Variants in ZNF730 observed in about 807,000 individuals in gnomAD.
The protein encoded by ZNF730 is zinc finger protein 730.
A neutral mutation model predicts 12.6 loss-of-function variants in ZNF730; 12 were observed. The ratio of observed to expected loss-of-function variants is 0.95; its 90% confidence interval spans 0.61 to 1.54. The LOEUF (loss-of-function observed/expected upper bound fraction) is 1.54, where lower values mean the gene tolerates loss of function less well. Among genes scored for constraint, ZNF730 ranks in the 40% most tolerant of loss-of-function variants. ZNF730 has a pLI of 0.00. For synonymous variants in ZNF730, 194 were observed against 195.8 expected (o/e 0.99, Z 0.08); for missense variants, 643 against 583.5 (o/e 1.10, Z -1.05).
chr19:23,135,513 T>C lies in ZNF730; in HGVS notation c.131-435T>C, dbSNP rs554006307. Among the ~76,000 whole-genome samples the C allele has an allele frequency of 3.3e-3, 496 of 151,962 alleles. 2 individuals carry two copies. The highest frequency in any genetic ancestry group is 0.017 in the South Asian group (83 of 4,820). ...ATATTTAGAAATTTCTTTTCTTTAT[T>C]TTTTTTATTTTTTTGGAGACAGAGT... On this transcript the variant is annotated intron_variant, in intron 2 of 3. Coordinates refer to ENST00000597761, the MANE Select transcript of ZNF730 (RefSeq NM_001277403.2).
At chr19:23,144,247 A>G (rs1354537508) in intron 3 of ZNF730, 1 of 152,180 alleles carries the variant, frequency 6.6e-6, no homozygotes, top group Non-Finnish European at 1.5e-5. Flanking sequence ...CATTAAAAAA[A>G]TCTACCTGTC....
intron 3 of ZNF730, among the ~76,000 whole-genome samples, chr19:23,142,498 A>G (rs1341617634): frequency 1.3e-5 from 2 of 151,984 alleles, no homozygotes; most frequent in African/African-American, 2.4e-5. Context: ...CCTGGCTAAC[A>G]CGGAGAAATC....
chr19:23,140,164 G>A (rs1970894057), intron 3 of ZNF730, among the ~76,000 whole-genome samples: 1 of 150,818 alleles, frequency 6.6e-6, no homozygotes, highest in Non-Finnish European at 1.5e-5. Flanking sequence ...GATTTTCCAT[G>A]GTGTTTTTTT....
chr19:23,113,221 A>G (rs1599585347), upstream of ZNF730, among the ~76,000 whole-genome samples: 1 of 152,146 alleles, frequency 6.6e-6, no homozygotes, highest in Non-Finnish European at 1.5e-5. Context: ...GACTATAGCT[A>G]ATTATTTGAT....
At position 23,118,589 on chromosome 19, in the gene ZNF730, C is replaced by T. The variant is rs567395921; in HGVS notation, c.3+1413C>T. ...TCTCTCAAGAGAGCAGGTGGATGCC[C>T]TGGGGCTAAGAGGAATCTCCTGGTG... On this transcript the variant is annotated intron_variant, in intron 1 of 3. Transcript: ENST00000597761. Among the ~76,000 whole-genome samples, 26 of 152,068 alleles carry T rather than the reference C, an allele frequency of 1.7e-4. No homozygotes were observed. In the South Asian group the frequency reaches 5.2e-3, roughly 30 times the overall value.
chr19:23,106,057 G>C (rs1163282297), intron 1 of ZNF730, among the ~76,000 whole-genome samples: 2 of 152,144 alleles, frequency 1.3e-5, no homozygotes, highest in African/African-American at 2.4e-5. Context: ...AGCATGTTGG[G>C]AGGCTGAGGT....
intron 1 of ZNF730, chr19:23,127,630 T>C: frequency 1.8e-6 from 2 of 1,085,040 alleles, no homozygotes; most frequent in Non-Finnish European, 2.8e-6. Context: ...AATTTGGCAA[T>C]AAACTCTTTG....
At chr19:23,124,240 A>G (rs1970635720) in intron 1 of ZNF730, among the ~76,000 whole-genome samples, 1 of 152,202 alleles carries the variant, frequency 6.6e-6, no homozygotes, top group South Asian at 2.1e-4. Context: ...AGGGTGCTGC[A>G]TGTTCTACAT....
chr19:23,095,531 C>A (rs1970234443), intron 1 of ZNF730: 1 of 398,044 alleles, frequency 2.5e-6, no homozygotes, highest in African/African-American at 2.1e-5. Context: ...CATGACTCTC[C>A]CCCTCTTTCT....
chr19:23,113,579 G>T (rs1970480526), upstream of ZNF730, among the ~76,000 whole-genome samples: 1 of 152,152 alleles, frequency 6.6e-6, no homozygotes, highest in Non-Finnish European at 1.5e-5. Context: ...CATCATTCTG[G>T]ACTGAGCTTG....
At chr19:23,103,177 A>G (rs938918155) in intron 1 of ZNF730, among the ~76,000 whole-genome samples, 1 of 152,210 alleles carries the variant, frequency 6.6e-6, no homozygotes, top group African/African-American at 2.4e-5. Flanking sequence ...GTTTATAGGC[A>G]AGTGAGAATT....
intron 1 of ZNF730, among the ~76,000 whole-genome samples, chr19:23,111,314 C>T (rs1290858128): frequency 6.6e-6 from 1 of 151,114 alleles, no homozygotes; most frequent in Non-Finnish European, 1.5e-5. Flanking sequence ...CATTTTAATG[C>T]ATGTTTTCTT....
In ZNF730 at chr19:23,117,025, G is replaced by C. The variant is rs370563059; in HGVS notation, c.-149G>C. On this transcript the variant is annotated 5_prime_UTR_variant, in exon 1 of 4. Transcript: ENST00000597761. Reference sequence around the variant, plus strand: ...AGGGCGGCTTCCGGGATTTGGCGCGGCCTTTGTTTCTCGCTGCCGCCGAAG... The same window carrying C: ...AGGGCGGCTTCCGGGATTTGGCGCGCCCTTTGTTTCTCGCTGCCGCCGAAG... The C allele has an allele frequency of 2.2e-3, 2,600 of 1,202,488 alleles. 47 individuals carry two copies. In the African/African-American group the frequency reaches 0.033, roughly 15 times the overall value. The allele number at this position is 1,202,488 out of a possible 1,614,324, so 74.5% of individuals were successfully genotyped here.
intron 3 of ZNF730, chr19:23,144,268 T>C (rs1970970286): frequency 6.6e-6 from 1 of 152,212 alleles, no homozygotes; most frequent in Admixed American, 6.5e-5. Flanking sequence ...ACAATCTTTA[T>C]AATGTAGTTC....
rs1971002667 is a variant in ZNF730, at chr19:23,145,996, G to A, written c.952G>A (p.Gly318Ser). 6.2e-7 allele frequency: 1 copy of A among 1,605,842 alleles called. No individual in the cohort carries two copies. Among genetic ancestry groups the A allele is most frequent in the African/African-American group, 1.3e-5 (1 of 74,324 alleles). Residue 318 changes from glycine (G) to serine (S), a missense_variant, in exon 4 of 4, where the codon GGC becomes AGC. Transcript: ENST00000597761. ...KEQPYKCEKC[G>S]KAFKWSSTLT... is the part of the protein sequence containing the mutation. The stretch of plus-strand genomic sequence containing the variant: ...GCAACCATACAAATGCGAAAAATGT[G>A]GCAAAGCTTTTAAGTGGTCCTCAAC...
At chr19:23,121,503 G>T (rs1970598343) in intron 1 of ZNF730, among the ~76,000 whole-genome samples, 1 of 152,034 alleles carries the variant, frequency 6.6e-6, no homozygotes, top group Non-Finnish European at 1.5e-5. Flanking sequence ...CACCATGCCT[G>T]GCTAATTTTT....
chr19:23,085,826 ATTTTTTTTTCTTTT>A (rs1970051786), intron 1 of ZNF730, among the ~76,000 whole-genome samples: 1 of 72,544 alleles, frequency 1.4e-5, no homozygotes, highest in African/African-American at 6.0e-5. Context: ...ATTTCACCCA[ATTTTTTTTTCTTTT>A]TTTTTTTTTT....
At chr19:23,140,107 C>A (rs1056551522) in intron 3 of ZNF730, among the ~76,000 whole-genome samples, 2 of 151,632 alleles carry the variant, frequency 1.3e-5, no homozygotes, top group Non-Finnish European at 2.9e-5. Flanking sequence ...ATAAATATGA[C>A]CCCTACTTTG....
intron 1 of ZNF730, chr19:23,128,135 G>C (rs1970693900): frequency 1.1e-6 from 1 of 914,488 alleles, no homozygotes; most frequent in Non-Finnish European, 1.8e-6. Flanking sequence ...ACTACCACTG[G>C]CAATAAAGTT....
Sources: allele counts gnomAD v4.1 joint callset (sites outside exome capture counted in the v4.1 genomes callset), GRCh38; gene constraint gnomAD v4.1.1; transcripts MANE v1.5; gene names NCBI Gene and HGNC (gene_info 2026-07-23, HGNC 2026-07-21).